RHOBTB2: variants seen among roughly 807,000 people sequenced by gnomAD.
The protein encoded by RHOBTB2 is rho-related BTB domain-containing protein 2.
A neutral mutation model predicts 66.5 loss-of-function variants in RHOBTB2; 39 were observed. That is an observed-to-expected ratio of 0.59 (90% CI 0.45 to 0.77). The LOEUF (loss-of-function observed/expected upper bound fraction) is 0.77, where lower values mean the gene tolerates loss of function less well. Among genes scored for constraint, RHOBTB2 ranks in the 30% least tolerant of loss-of-function variants. RHOBTB2 has a pLI of 0.00. For missense variants in RHOBTB2, 755 were observed against 999.1 expected (o/e 0.76, Z 3.29); for synonymous variants, 390 against 395.0 (o/e 0.99, Z 0.15).
chr8:22,983,752 T>G (rs78534986), upstream of RHOBTB2, among the ~76,000 whole-genome samples: 1 of 152,116 alleles, frequency 6.6e-6, no homozygotes, highest in East Asian at 1.9e-4. Flanking sequence ...TTTTTTTTTT[T>G]GAGACAGAGT....
At chr8:22,971,195 T>C in the RHOBTB2 span, among the ~76,000 whole-genome samples, 1 of 152,042 alleles carries the variant, frequency 6.6e-6, no homozygotes, top group Non-Finnish European at 1.5e-5. Flanking sequence ...TTCTGTATTT[T>C]TTTTTAAGAG....
At chr8:23,010,713 C>T (rs1330042880) in intron 7 of RHOBTB2, 25 bp downstream of exon 7, 1 of 1,611,812 alleles carries the variant, frequency 6.2e-7, no homozygotes, top group Non-Finnish European at 8.5e-7. Flanking sequence ...CACTCGGGGA[C>T]CTCCCCGCGG....
chr8:22,968,838 A>C, the RHOBTB2 span, among the ~76,000 whole-genome samples: 1 of 151,902 alleles, frequency 6.6e-6, no homozygotes, highest in Non-Finnish European at 1.5e-5. Context: ...AATGAGAAGA[A>C]TAATATAAAA....
At chr8:23,011,217 G>C (rs989260867) in intron 7 of RHOBTB2, among the ~76,000 whole-genome samples, 1 of 152,214 alleles carries the variant, frequency 6.6e-6, no homozygotes, top group Non-Finnish European at 1.5e-5. Context: ...TTGCACCACT[G>C]CACTCCAGCC....
upstream of RHOBTB2, among the ~76,000 whole-genome samples, chr8:22,996,555 GTGTGTGTGTGTGTC>G (rs1324201769): frequency 1.6e-3 from 194 of 120,244 alleles, 1 homozygote; most frequent in Middle Eastern, 0.016. Context: ...GTGTGTGTGT[GTGTGTGTGTGTGTC>G]TGTGTGTCTG....
upstream of RHOBTB2, among the ~76,000 whole-genome samples, chr8:22,995,622 C>T (rs893945726): frequency 6.6e-6 from 1 of 152,182 alleles, no homozygotes; most frequent in Non-Finnish European, 1.5e-5. Flanking sequence ...GATGGTGTCC[C>T]TTAAGGCCTG....
the RHOBTB2 span, among the ~76,000 whole-genome samples, chr8:22,972,463 T>A: frequency 1.3e-5 from 2 of 152,202 alleles, no homozygotes. Context: ...ATGTCTGTTG[T>A]CACCACTGTC....
chr8:23,015,623 C>T lies in RHOBTB2; in HGVS notation c.1861-15C>T. On this transcript the variant is annotated splice_polypyrimidine_tract_variant and intron_variant, in intron 8 of 9. Coordinates refer to ENST00000251822, the MANE Select transcript of RHOBTB2 (RefSeq NM_015178.3). ...TGGGGATTTCAGTACAGACGTTCTT[C>T]CCTTCTGTCCCCAGTTCCACTGTGC... is the stretch of plus-strand genomic sequence containing the variant. The T allele has an allele frequency of 6.4e-7, 1 of 1,573,116 alleles. No homozygotes were observed. The highest frequency in any genetic ancestry group is 8.7e-7 in the Non-Finnish European group (1 of 1,143,156).
At chr8:22,986,140 T>TTCTCTC (rs58840002), upstream of RHOBTB2, among the ~76,000 whole-genome samples, 1,728 of 148,002 alleles carry the variant, frequency 0.012, 25 homozygotes, top group African/African-American at 0.035. Flanking sequence ...GACGGTGGAC[T>TTCTCTC]TCTCTCTCTC....
the RHOBTB2 span, among the ~76,000 whole-genome samples, chr8:22,956,539 C>T: frequency 6.6e-6 from 1 of 152,144 alleles, no homozygotes; most frequent in Non-Finnish European, 1.5e-5. Flanking sequence ...TGTAAGTCTC[C>T]AGAGGCCTCC....
chr8:23,011,374 G>T (rs77890770), intron 7 of RHOBTB2, among the ~76,000 whole-genome samples: 2 of 152,130 alleles, frequency 1.3e-5, no homozygotes, highest in African/African-American at 2.4e-5. Context: ...CTACCCTGTG[G>T]TTCTCCTCCT....
intron 2 of RHOBTB2, among the ~76,000 whole-genome samples, chr8:22,992,456 C>G (rs778658856): frequency 1.3e-5 from 2 of 152,182 alleles, no homozygotes; most frequent in Non-Finnish European, 2.9e-5. Context: ...GACCTGCCCT[C>G]TCTCAGGAGG....
chr8:22,995,742 G>A, upstream of RHOBTB2: 1 of 1,056,594 alleles, frequency 9.5e-7, no homozygotes, highest in Non-Finnish European at 1.4e-6. Flanking sequence ...TCTGAACTTT[G>A]CCCCAGCTGC....
intron 9 of RHOBTB2, among the ~76,000 whole-genome samples, chr8:23,016,939 G>A (rs1811308975): frequency 6.6e-6 from 1 of 152,088 alleles, no homozygotes; most frequent in Admixed American, 6.6e-5. Context: ...AGTATCTCCT[G>A]GCTGACATTC....
At chr8:22,967,601 C>CT in the RHOBTB2 span, among the ~76,000 whole-genome samples, 2 of 45,264 alleles carry the variant, frequency 4.4e-5, no homozygotes, top group African/African-American at 1.7e-4. Context: ...AAAACTCTGT[C>CT]TAAAAAAAAA....
upstream of RHOBTB2, among the ~76,000 whole-genome samples, chr8:22,984,335 T>C (rs1420197825): frequency 6.6e-6 from 1 of 152,100 alleles, no homozygotes; most frequent in East Asian, 1.9e-4. Flanking sequence ...GAGGTAGAAA[T>C]TGGAAGTCAC....
At chr8:23,010,722 G>A (rs201356907) in intron 7 of RHOBTB2, 34 bp downstream of exon 7, 91 of 1,609,352 alleles carry the variant, frequency 5.7e-5, no homozygotes, top group Admixed American at 3.7e-4. Context: ...ACCTCCCCGC[G>A]GCAGAGGCCA....
the RHOBTB2 span, among the ~76,000 whole-genome samples, chr8:22,954,921 C>T: frequency 6.6e-6 from 1 of 152,206 alleles, no homozygotes. Context: ...CACTTGAGGT[C>T]AGGAGTTTGA....
the RHOBTB2 span, among the ~76,000 whole-genome samples, chr8:22,964,741 T>C: frequency 6.6e-6 from 1 of 152,132 alleles, no homozygotes; most frequent in African/African-American, 2.4e-5. Flanking sequence ...ATACATGTAT[T>C]TGAAATACCC....
Sources: allele counts gnomAD v4.1 joint callset (sites outside exome capture counted in the v4.1 genomes callset), GRCh38; gene constraint gnomAD v4.1.1; transcripts MANE v1.5; gene names NCBI Gene and HGNC (gene_info 2026-07-23, HGNC 2026-07-21).